The following CREB5 variants were observed in gnomAD, a reference collection of about 807,000 sequenced individuals.
CREB5 encodes cAMP responsive element binding protein 5.
CREB5 carries 19 observed loss-of-function variants against 57.1 expected under a neutral mutation model. The observed-to-expected ratio is 0.33, with a 90% CI of 0.23 to 0.49. The LOEUF (loss-of-function observed/expected upper bound fraction) is 0.49. CREB5 is among the 20% of genes least tolerant of loss of function. The pLI is 0.99. For synonymous variants in CREB5, 238 were observed against 238.3 expected, an observed-to-expected ratio of 1.00 and a Z score of 0.01; for missense variants, 579 against 671.6, an observed-to-expected ratio of 0.86 and a Z score of 1.52.
At chr7:28,666,637 G>T (rs1353699895) in intron 5 of CREB5, among the ~76,000 whole-genome samples, 2 of 152,078 alleles carry the variant, frequency 1.3e-5, no homozygotes. Flanking sequence ...AGGAGAAAAT[G>T]GATACATTGC....
intron 5 of CREB5, among the ~76,000 whole-genome samples, chr7:28,611,978 C>A (rs1797409983): frequency 6.6e-6 from 1 of 150,378 alleles, no homozygotes; most frequent in Non-Finnish European, 1.5e-5. Context: ...TGTCCCCTTG[C>A]TACTTTGCCA....
intron 1 of CREB5, among the ~76,000 whole-genome samples, chr7:28,478,386 A>C (rs1410408360): frequency 6.6e-6 from 1 of 151,464 alleles, no homozygotes; most frequent in Non-Finnish European, 1.5e-5. Flanking sequence ...CTTCTCAATA[A>C]GAAAACAGGC....
intron 5 of CREB5, among the ~76,000 whole-genome samples, chr7:28,680,836 A>T (rs918946644): frequency 6.6e-6 from 1 of 151,298 alleles, no homozygotes; most frequent in Non-Finnish European, 1.5e-5. Context: ...TGTAGTGCCC[A>T]CTCTAGTCAT....
At position 28,412,619 on chromosome 7, in the gene CREB5, G is replaced by T; in HGVS notation, c.-296G>T. The T allele has an allele frequency of 3.3e-6, 1 of 304,754 alleles. No individual in the cohort carries two copies. The highest frequency in any genetic ancestry group is 6.0e-6 in the Non-Finnish European group (1 of 166,988). 18.9% of individuals were successfully genotyped at this position (304,754 alleles called of 1,614,324 possible). A position where few individuals can be genotyped will look rare whatever the true frequency, so the allele number is the denominator to read the frequency against. Reference sequence around the variant, plus strand: ...TTTCCATGTCAGTTAAATCTAGGGAGTTCAAGACTACTGGAAAAATTAGTC... The same window carrying T: ...TTTCCATGTCAGTTAAATCTAGGGATTTCAAGACTACTGGAAAAATTAGTC... On this transcript the variant is annotated 5_prime_UTR_variant, in exon 1 of 11. Transcript: ENST00000357727.
chr7:28,658,959 A>ATATATATATATATATATATG (rs1554281573), intron 5 of CREB5, among the ~76,000 whole-genome samples: 2 of 129,564 alleles, frequency 1.5e-5, no homozygotes, highest in Non-Finnish European at 3.2e-5. Context: ...GTGTGTATAT[A>ATATATATATATATATATATG]TATATATATA....
At chr7:28,347,158 C>A (rs923807817) in intron 1 of CREB5, among the ~76,000 whole-genome samples, 3 of 152,196 alleles carry the variant, frequency 2.0e-5, no homozygotes, top group Non-Finnish European at 4.4e-5. Context: ...ATCTGCTCAT[C>A]ATGTGCAAAC....
chr7:28,429,069 A>G (rs1164641418), intron 1 of CREB5, among the ~76,000 whole-genome samples: 3 of 152,172 alleles, frequency 2.0e-5, no homozygotes, highest in East Asian at 1.9e-4. Flanking sequence ...TCTGCCACCC[A>G]GGCTAGGGTA....
chr7:28,665,077 T>C (rs1799767459), intron 5 of CREB5, among the ~76,000 whole-genome samples: 1 of 152,104 alleles, frequency 6.6e-6, no homozygotes, highest in African/African-American at 2.4e-5. Context: ...AGACAAAAGC[T>C]GGGAAAGATC....
chr7:28,821,537 C>G lies in CREB5; in HGVS notation c.*2258C>G, dbSNP rs1809772970. ...GAATAATTTTCTATTATATTTTAGA[C>G]AAACATATCATTTTCGAGTATTTTA... On this transcript the variant is annotated 3_prime_UTR_variant, in exon 11 of 11. Transcript: ENST00000357727. The G allele has an allele frequency of 6.6e-6, 1 of 151,262 alleles. No homozygotes were observed. The highest frequency in any genetic ancestry group is 1.5e-5 in the Non-Finnish European group (1 of 67,836). The allele number at this position is 151,262 out of a possible 1,614,324, so 9.4% of individuals were successfully genotyped here.
upstream of CREB5, chr7:28,409,917 C>T (rs1787699419): frequency 2.2e-6 from 1 of 454,412 alleles, no homozygotes; most frequent in Non-Finnish European, 4.4e-6. This position sits in a 1 kb window ranked among gnomAD's most constrained non-coding sequence, Gnocchi z 4.4. Flanking sequence ...GGTGCGGAGC[C>T]CTCCAGAAGT....
chr7:28,612,107 T>A (rs184769234), intron 5 of CREB5, among the ~76,000 whole-genome samples: 115 of 152,276 alleles, frequency 7.6e-4, no homozygotes, highest in African/African-American at 2.6e-3. Context: ...TGTTTCCTTC[T>A]GGGGGAGATG....
chr7:28,351,734 C>T (rs546904622), intron 1 of CREB5, among the ~76,000 whole-genome samples: 2 of 151,798 alleles, frequency 1.3e-5, no homozygotes, highest in African/African-American at 4.8e-5. Flanking sequence ...GAAAATTAAG[C>T]TGAATGTACC....
intron 1 of CREB5, among the ~76,000 whole-genome samples, chr7:28,346,902 G>C (rs1786068148): frequency 6.6e-6 from 1 of 152,156 alleles, no homozygotes; most frequent in Non-Finnish European, 1.5e-5. Context: ...TTAGAACTTT[G>C]ATCAGTATAA....
chr7:28,816,610 TG>T (rs1809456137), intron 9 of CREB5, among the ~76,000 whole-genome samples: 1 of 152,216 alleles, frequency 6.6e-6, no homozygotes, highest in African/African-American at 2.4e-5. Flanking sequence ...ACTCAATATG[TG>T]GTTGCTTATA....
In CREB5 at chr7:28,643,758, G is replaced by GC. The variant is rs368834555; in HGVS notation, c.464+73221_464+73222insC. On this transcript the variant is annotated intron_variant, in intron 5 of 10. Transcript: ENST00000357727. ...GTTCACGGGTTTGGGAGGTGGGGGG[G>GC]GGCGGAAGAAAAAAAAAAAACACAC... 2.1e-3 allele frequency among the ~76,000 whole-genome samples: 175 copies of GC among 81,532 alleles called. 1 individual carries two copies. The highest frequency in any genetic ancestry group is 2.7e-3 in the Non-Finnish European group (115 of 42,704). The allele number at this position is 81,532 out of a possible 152,430, so 53.5% of individuals were successfully genotyped here.
At chr7:28,415,888 A>T (rs751213488) in intron 1 of CREB5, among the ~76,000 whole-genome samples, 6 of 152,220 alleles carry the variant, frequency 3.9e-5, no homozygotes, top group Non-Finnish European at 7.3e-5. Context: ...ATCTGTCTGT[A>T]ATACATTATC....
At chr7:28,478,147 C>T (rs537383168) in intron 1 of CREB5, among the ~76,000 whole-genome samples, 12 of 152,216 alleles carry the variant, frequency 7.9e-5, no homozygotes, top group Admixed American at 2.0e-4. Context: ...AAACCCCACA[C>T]GGCTTATTTC....
chr7:28,427,438 C>T (rs1788552754), intron 1 of CREB5, among the ~76,000 whole-genome samples: 1 of 152,102 alleles, frequency 6.6e-6, no homozygotes. Flanking sequence ...AAACACATGA[C>T]CAACTTTTGG....
At position 28,594,360 on chromosome 7, in the gene CREB5, G is replaced by T. The variant is rs1424797096; in HGVS notation, c.464+23823G>T. Among the ~76,000 whole-genome samples the T allele has an allele frequency of 2.0e-5, 3 of 152,160 alleles. 1 individual carries two copies. Among genetic ancestry groups the T allele is most frequent in the Admixed American group, 1.3e-4 (2 of 15,276 alleles). On this transcript the variant is annotated intron_variant, in intron 5 of 10. Coordinates refer to ENST00000357727, the MANE Select transcript of CREB5 (RefSeq NM_182898.4). ...GAATATGGTGTCTGTTCAACTTAAA[G>T]GTAAGGTAAATCTAGTTACCGCCCT...
Sources: allele counts gnomAD v4.1 joint callset (sites outside exome capture counted in the v4.1 genomes callset), GRCh38; gene constraint gnomAD v4.1.1; non-coding constraint Gnocchi (gnomAD v3.1); transcripts MANE v1.5; gene names NCBI Gene and HGNC (gene_info 2026-07-23, HGNC 2026-07-21).